GID8: variants seen among roughly 807,000 people sequenced by gnomAD.
GID8 encodes GID complex subunit 8 homolog.
A neutral mutation model predicts 27.4 loss-of-function variants in GID8; 6 were observed. The ratio of observed to expected loss-of-function variants is 0.22; its 90% CI spans 0.12 to 0.43. The LOEUF (loss-of-function observed/expected upper bound fraction) is 0.43, where lower values mean the gene tolerates loss of function less well. Among genes scored for constraint, GID8 ranks in the 20% least tolerant of loss-of-function variants. The pLI is 1.00. For synonymous variants in GID8, 112 were observed against 109.0 expected, an observed-to-expected ratio of 1.03 and a Z score of -0.17; for missense variants, 173 against 287.6, an observed-to-expected ratio of 0.60 and a Z score of 2.88.
chr20:62,938,569 C>CT (rs2065418647), intron 1 of GID8: 1 of 152,198 alleles, frequency 6.6e-6, no homozygotes, highest in African/African-American at 2.4e-5. Context: ...GTAACGAAGT[C>CT]TTTTTAATAA....
At position 62,944,838 on chromosome 20, in the gene GID8, G is replaced by C; in HGVS notation, c.613G>C (p.Glu205Gln). ...LLKLLLWAQN[E>Q]LDQKKVKYPK... ...GAAACTACTACTTTGGGCTCAGAAC[G>C]AGCTGGACCAGAAGAAAGTAAAATA... Residue 205 changes from glutamate to glutamine, a missense_variant, in exon 5 of 5, where the codon GAG (glutamate) becomes CAG (glutamine). By Grantham distance (29) the Glu-to-Gln change is conservative. Coordinates refer to ENST00000266069, the MANE Select transcript of GID8 (RefSeq NM_017896.3). 1 of 1,614,144 alleles carries C rather than the reference G, an allele frequency of 6.2e-7. No homozygotes were observed. Among genetic ancestry groups the C allele is most frequent in the Non-Finnish European group, 8.5e-7 (1 of 1,180,016 alleles).
chr20:62,946,941 T>C lies in GID8; in HGVS notation c.*2029T>C, dbSNP rs1330124483. The C allele has an allele frequency of 6.6e-6, 1 of 152,240 alleles. No homozygotes were observed. Among genetic ancestry groups the C allele is most frequent in the East Asian group, 1.9e-4 (1 of 5,206 alleles). The allele number at this position is 152,240 out of a possible 1,614,324, so 9.4% of individuals were successfully genotyped here. On this transcript the variant is annotated 3_prime_UTR_variant, in exon 5 of 5. Transcript: ENST00000266069. ...ATAATATATCATCAATTTGACATAT[T>C]CTTAAAACTAGAGGGTGTGAGAAGC...
At chr20:62,942,746 T>C (rs2065448982) in intron 2 of GID8, among the ~76,000 whole-genome samples, 1 of 152,236 alleles carries the variant, frequency 6.6e-6, no homozygotes. Flanking sequence ...CTGACCTCTT[T>C]GGCTAATGGG....
At position 62,946,955 on chromosome 20, in the gene GID8, G is replaced by C. The variant is rs554795763; in HGVS notation, c.*2043G>C. ...ATTTGACATATTCTTAAAACTAGAG[G>C]GTGTGAGAAGCACAGCAATAGGAAG... On this transcript the variant is annotated 3_prime_UTR_variant, in exon 5 of 5. Coordinates refer to ENST00000266069, the MANE Select transcript of GID8 (RefSeq NM_017896.3). 7.9e-5 allele frequency: 12 copies of C among 152,168 alleles called. No homozygotes were observed. The highest frequency in any genetic ancestry group is 1.3e-4 in the Non-Finnish European group (9 of 68,042). 9.4% of individuals were successfully genotyped at this position (152,168 alleles called of 1,614,324 possible).
chr20:62,940,893 C>T (rs938691531), intron 1 of GID8, among the ~76,000 whole-genome samples: 5 of 152,234 alleles, frequency 3.3e-5, no homozygotes, highest in Non-Finnish European at 7.3e-5. Context: ...AGTATAGATA[C>T]CTAACACATT....
Position 62,945,502 on chromosome 20 carries a change from G to A in GID8, c.*590G>A. On this transcript the variant is annotated 3_prime_UTR_variant, in exon 5 of 5. Transcript: ENST00000266069. Reference sequence around the variant, plus strand: ...GCTTTTGGGGGATGCGTGTGAGGGGGCTATGTGTTTTTTAATTTTTTAAAT... The same window carrying A: ...GCTTTTGGGGGATGCGTGTGAGGGGACTATGTGTTTTTTAATTTTTTAAAT... The A allele has an allele frequency of 1.9e-6, 2 of 1,043,798 alleles. No homozygotes were observed. Among genetic ancestry groups the A allele is most frequent in the East Asian group, 9.3e-5 (1 of 10,724 alleles). The allele number at this position is 1,043,798 out of a possible 1,614,324, so 64.7% of individuals were successfully genotyped here.
In GID8 at chr20:62,946,383, T is replaced by C; in HGVS notation, c.*1471T>C. The C allele has an allele frequency of 4.8e-6, 1 of 206,322 alleles. No individual in the cohort carries two copies. The highest frequency in any genetic ancestry group is 9.9e-6 in the Non-Finnish European group (1 of 100,658). 12.8% of individuals were successfully genotyped at this position (206,322 alleles called of 1,614,324 possible). On this transcript the variant is annotated 3_prime_UTR_variant, in exon 5 of 5. Coordinates refer to ENST00000266069, the MANE Select transcript of GID8 (RefSeq NM_017896.3). ...ACCGAGCTCCTGCATCCCTTGAGTG[T>C]TGATCAGGAGGCGTCCACAGCATTG...
chr20:62,945,592 G>A lies in GID8; in HGVS notation c.*680G>A, dbSNP rs2065462899. 2.6e-6 allele frequency: 3 copies of A among 1,165,616 alleles called. No homozygotes were observed. Among genetic ancestry groups the A allele is most frequent in the Admixed American group, 8.2e-5 (2 of 24,300 alleles). 72.2% of individuals were successfully genotyped at this position (1,165,616 alleles called of 1,614,324 possible). ...AGTGGATCAATGAACCATCTCTTCT[G>A]GGCAGTTTTGTTGAAAATAAAGGTT... On this transcript the variant is annotated 3_prime_UTR_variant, in exon 5 of 5. Coordinates refer to ENST00000266069, the MANE Select transcript of GID8 (RefSeq NM_017896.3).
rs767958128 is a variant in GID8 at position 62,941,471 on chromosome 20, C to T, written c.-12-20C>T. The T allele has an allele frequency of 5.2e-6, 7 of 1,357,016 alleles. No homozygotes were observed. The highest frequency in any genetic ancestry group is 1.4e-5 in the African/African-American group (1 of 69,916). 84.1% of individuals were successfully genotyped at this position (1,357,016 alleles called of 1,614,324 possible). On this transcript the variant is annotated intron_variant, in intron 1 of 4. Coordinates refer to ENST00000266069, the MANE Select transcript of GID8 (RefSeq NM_017896.3). The stretch of plus-strand genomic sequence containing the variant: ...AGGAGCATCTAAACCCCTCCCTCAG[C>T]TGTTATTTTTTTCCTGTAGAAATAA...
In GID8 at chr20:62,943,349, T is replaced by C; in HGVS notation, c.316-146T>C. ...TTTTATGTAGTTCAGAAGCGGTTTT[T>C]TGTTTTAAAAATGCAAATTTGATAA... is the stretch of plus-strand genomic sequence containing the variant. On this transcript the variant is annotated intron_variant, in intron 3 of 4. Transcript: ENST00000266069. The surrounding 1 kb of genome is among the most constrained non-coding windows in gnomAD (Gnocchi z 4.7). 1 of 986,052 alleles carries C rather than the reference T, an allele frequency of 1.0e-6. No individual in the cohort carries two copies. 61.1% of individuals were successfully genotyped at this position (986,052 alleles called of 1,614,324 possible).
intron 2 of GID8, among the ~76,000 whole-genome samples, chr20:62,942,085 A>T (rs1291312054): frequency 1.3e-5 from 2 of 152,168 alleles, no homozygotes; most frequent in African/African-American, 2.4e-5. Context: ...AAGAAAATAG[A>T]TGTTTTTAAA....
At chr20:62,944,711 G>T (rs1449624197) in intron 4 of GID8, 28 bp from the exon 5 acceptor site, 1 of 1,517,394 alleles carries the variant, frequency 6.6e-7, no homozygotes, top group Non-Finnish European at 9.2e-7. Context: ...GTGTATGGTG[G>T]TTTTTATCAG....
intron 4 of GID8, 69 bp from the exon 5 acceptor site, chr20:62,944,670 C>T (rs1391756922): frequency 4.6e-6 from 5 of 1,085,726 alleles, no homozygotes; most frequent in Admixed American, 3.6e-5. Flanking sequence ...TTTAAACTGC[C>T]TCTTTTTAAT....
intron 1 of GID8, 52 bp from the exon 2 acceptor site, chr20:62,941,439 C>A (rs2065443283): frequency 1.0e-6 from 1 of 970,724 alleles, no homozygotes; most frequent in Non-Finnish European, 1.7e-6. Context: ...CTGCCCTCTG[C>A]CCTTGGAGGA....
At chr20:62,944,063 T>G (rs771313975) in intron 4 of GID8, among the ~76,000 whole-genome samples, 23 of 152,146 alleles carry the variant, frequency 1.5e-4, no homozygotes, top group Non-Finnish European at 3.2e-4. Context: ...CTTGAACCCC[T>G]GACCTCAGGT....
In GID8 at chr20:62,948,310, T is replaced by C. The variant is rs2065474928; in HGVS notation, c.*3398T>C. 6.6e-6 allele frequency: 1 copy of C among 152,268 alleles called. No homozygotes were observed. Among genetic ancestry groups the C allele is most frequent in the Non-Finnish European group, 1.5e-5 (1 of 68,034 alleles). The allele number at this position is 152,268 out of a possible 1,614,324, so 9.4% of individuals were successfully genotyped here. A position where few individuals can be genotyped will look rare whatever the true frequency, so the allele number is the denominator to read the frequency against. On this transcript the variant is annotated 3_prime_UTR_variant, in exon 5 of 5. Transcript: ENST00000266069. ...TGTCAACATGGGTCATTTAAAGTCCTGTATGAACCATAACCTGCTGTGGTA... is the reference window on the plus strand; with the variant it reads ...TGTCAACATGGGTCATTTAAAGTCCCGTATGAACCATAACCTGCTGTGGTA...
Position 62,943,292 on chromosome 20 carries a change from T to A in GID8, c.315+109T>A. 2 of 1,007,868 alleles carry A rather than the reference T, an allele frequency of 2.0e-6. No homozygotes were observed. The highest frequency in any genetic ancestry group is 3.0e-6 in the Non-Finnish European group (2 of 671,968). The allele number at this position is 1,007,868 out of a possible 1,614,324, so 62.4% of individuals were successfully genotyped here. A position where few individuals can be genotyped will look rare whatever the true frequency, so the allele number is the denominator to read the frequency against. On this transcript the variant is annotated intron_variant, in intron 3 of 4. Coordinates refer to ENST00000266069, the MANE Select transcript of GID8 (RefSeq NM_017896.3). The surrounding 1 kb of genome is among the most constrained non-coding windows in gnomAD (Gnocchi z 4.7). ...ATTTGCTTTAATAATGTTATTTCAA[T>A]GCATGTGAGGGGGAGAGGTTTGAGT... is the stretch of plus-strand genomic sequence containing the variant.
chr20:62,939,765 T>C (rs1039020874), intron 1 of GID8, among the ~76,000 whole-genome samples: 6 of 152,244 alleles, frequency 3.9e-5, no homozygotes, highest in African/African-American at 1.2e-4. Flanking sequence ...CCTAAGGGAC[T>C]GGCTGCTCAG....
rs41282992 is a variant in GID8, at chr20:62,945,839, C to T, written c.*927C>T. 1,525 of 1,289,664 alleles carry T rather than the reference C, an allele frequency of 1.2e-3. 1 individual carries two copies. Among genetic ancestry groups the T allele is most frequent in the South Asian group, 1.7e-3 (135 of 81,018 alleles). 79.9% of individuals were successfully genotyped at this position (1,289,664 alleles called of 1,614,324 possible). On this transcript the variant is annotated 3_prime_UTR_variant, in exon 5 of 5. Coordinates refer to ENST00000266069, the MANE Select transcript of GID8 (RefSeq NM_017896.3). ...ACGCAGAGCCCCAGCAGGTGGTGCA[C>T]GACTGTTGGCGGAAGGAACGCGTGT...
Sources: allele counts gnomAD v4.1 joint callset (sites outside exome capture counted in the v4.1 genomes callset), GRCh38; gene constraint gnomAD v4.1.1; non-coding constraint Gnocchi (gnomAD v3.1); transcripts MANE v1.5; gene names NCBI Gene and HGNC (gene_info 2026-07-23, HGNC 2026-07-21).